The following ZNRF1 variants were observed in gnomAD, a reference collection of about 807,000 sequenced individuals.
ZNRF1 encodes the protein zinc and ring finger 1.
A neutral mutation model predicts 18.4 loss-of-function variants in ZNRF1; 3 were observed. The observed-to-expected ratio is 0.16, with a 90% CI of 0.07 to 0.42. The LOEUF (loss-of-function observed/expected upper bound fraction) is 0.42, where lower values mean the gene tolerates loss of function less well. ZNRF1 is among the 10% of genes least tolerant of loss of function. The pLI is 0.99. For synonymous variants in ZNRF1, 157 were observed against 144.2 expected (o/e 1.09, Z -0.64); for missense variants, 310 against 329.8 (o/e 0.94, Z 0.47).
At chr16:75,091,181 A>C (rs1409235840) in intron 1 of ZNRF1, among the ~76,000 whole-genome samples, 2 of 152,246 alleles carry the variant, frequency 1.3e-5, no homozygotes, top group East Asian at 3.9e-4. Context: ...CAATGTGGCG[A>C]AACCTAGTCT....
At chr16:75,043,852 C>T (rs1038539948) in intron 1 of ZNRF1, among the ~76,000 whole-genome samples, 1 of 124,470 alleles carries the variant, frequency 8.0e-6, no homozygotes, top group Non-Finnish European at 1.6e-5. Flanking sequence ...GGTAATGATG[C>T]GATCTCTGCT....
intron 1 of ZNRF1, among the ~76,000 whole-genome samples, chr16:75,039,490 A>G (rs2035415300): frequency 6.6e-6 from 1 of 152,234 alleles, no homozygotes. Context: ...AGTTAATGGT[A>G]TACGAGAGTG....
rs114185657 is a variant in ZNRF1 at position 75,051,793 on chromosome 16, G to A, written c.425-41779G>A. Among the ~76,000 whole-genome samples the A allele has an allele frequency of 7.9e-3, 1,199 of 152,286 alleles. 25 individuals are homozygous for A. Among genetic ancestry groups the A allele is most frequent in the African/African-American group, 0.027 (1,121 of 41,546 alleles). ...AGCTTCCCGAAGTGCTGTGATTACA[G>A]GCATGAGCCACAGCACACAGCCCAT... On this transcript the variant is annotated intron_variant, in intron 1 of 4. Coordinates refer to ENST00000335325, the MANE Select transcript of ZNRF1 (RefSeq NM_032268.5).
chr16:75,076,757 A>G (rs900500821), intron 1 of ZNRF1, among the ~76,000 whole-genome samples: 1 of 151,088 alleles, frequency 6.6e-6, no homozygotes, highest in South Asian at 2.1e-4. Context: ...TTGAAGGAGG[A>G]CTTTTGGGAG....
At chr16:75,001,087 C>T (rs1321797760) in intron 1 of ZNRF1, among the ~76,000 whole-genome samples, 1 of 152,176 alleles carries the variant, frequency 6.6e-6, no homozygotes, top group Non-Finnish European at 1.5e-5. Flanking sequence ...GTGGGGGCCG[C>T]TATTTGCTAA....
chr16:75,060,295 G>A (rs1395214045), intron 1 of ZNRF1, among the ~76,000 whole-genome samples: 4 of 151,812 alleles, frequency 2.6e-5, no homozygotes, highest in South Asian at 2.1e-4. Flanking sequence ...GTTGTGATCC[G>A]CCCATCTTGC....
chr16:75,059,754 T>C (rs2035719511), intron 1 of ZNRF1, among the ~76,000 whole-genome samples: 1 of 152,224 alleles, frequency 6.6e-6, no homozygotes, highest in Admixed American at 6.5e-5. Context: ...GGAAATTGTA[T>C]AAATCAATTT....
intron 1 of ZNRF1, among the ~76,000 whole-genome samples, chr16:75,037,246 A>G (rs1329803555): frequency 6.6e-6 from 1 of 152,192 alleles, no homozygotes; most frequent in South Asian, 2.1e-4. Flanking sequence ...ACATCAGTAG[A>G]TAGGTGTGCA....
intron 1 of ZNRF1, among the ~76,000 whole-genome samples, chr16:75,006,358 A>G (rs2034916845): frequency 6.6e-6 from 1 of 152,204 alleles, no homozygotes; most frequent in South Asian, 2.1e-4. Flanking sequence ...TTTTAATGAC[A>G]GTGGATCACT....
intron 2 of ZNRF1, among the ~76,000 whole-genome samples, chr16:75,096,167 G>A (rs185792622): frequency 2.0e-4 from 30 of 151,956 alleles, no homozygotes; most frequent in Non-Finnish European, 2.6e-4. Context: ...TGGAGGCAAA[G>A]AGAGGCCAGT....
intron 1 of ZNRF1, among the ~76,000 whole-genome samples, chr16:75,001,599 G>A (rs1481971083): frequency 6.6e-6 from 1 of 152,148 alleles, no homozygotes; most frequent in African/African-American, 2.4e-5. Context: ...CAGAGAGTTA[G>A]CCATATTTTT....
intron 1 of ZNRF1, among the ~76,000 whole-genome samples, chr16:75,057,175 C>A (rs943238266): frequency 6.6e-6 from 1 of 152,194 alleles, no homozygotes; most frequent in Non-Finnish European, 1.5e-5. Flanking sequence ...ATACCCCCAC[C>A]CTGCCGTCCT....
At chr16:75,087,976 A>T (rs1487753365) in intron 1 of ZNRF1, among the ~76,000 whole-genome samples, 2 of 152,242 alleles carry the variant, frequency 1.3e-5, no homozygotes, top group Non-Finnish European at 2.9e-5. Flanking sequence ...CTCCTGAAGC[A>T]TCTCTTACCT....
At chr16:75,079,204 G>A (rs1219023135) in intron 1 of ZNRF1, among the ~76,000 whole-genome samples, 6 of 152,054 alleles carry the variant, frequency 3.9e-5, no homozygotes, top group African/African-American at 9.7e-5. Flanking sequence ...TTTGGGGGCC[G>A]GGCGCGGTGG....
chr16:75,040,913 AC>A (rs1172069274), intron 1 of ZNRF1, among the ~76,000 whole-genome samples: 1 of 152,056 alleles, frequency 6.6e-6, no homozygotes, highest in Non-Finnish European at 1.5e-5. Context: ...CAGCCCACTT[AC>A]CATGTTTTTA....
intron 1 of ZNRF1, among the ~76,000 whole-genome samples, chr16:75,022,763 C>G (rs1296310386): frequency 2.6e-5 from 4 of 152,178 alleles, no homozygotes; most frequent in Admixed American, 2.6e-4. Flanking sequence ...TTGGACAGTG[C>G]TGCTCAAAAC....
chr16:75,028,356 T>C (rs1243609931), intron 1 of ZNRF1, among the ~76,000 whole-genome samples: 1 of 152,196 alleles, frequency 6.6e-6, no homozygotes, highest in Non-Finnish European at 1.5e-5. Context: ...TGCAATGGCG[T>C]GATGTCGGCT....
intron 2 of ZNRF1, chr16:75,104,275 T>C (rs2036287372): frequency 6.5e-6 from 1 of 152,760 alleles, no homozygotes; most frequent in Non-Finnish European, 1.5e-5. Context: ...TTGTAGACAC[T>C]GGGTTGTTTC....
At chr16:75,061,016 C>T (rs2035737678) in intron 1 of ZNRF1, among the ~76,000 whole-genome samples, 2 of 152,062 alleles carry the variant, frequency 1.3e-5, no homozygotes, top group Non-Finnish European at 2.9e-5. Context: ...AATAGTAATA[C>T]ATTTTTTGTG....
Sources: allele counts gnomAD v4.1 joint callset (sites outside exome capture counted in the v4.1 genomes callset), GRCh38; gene constraint gnomAD v4.1.1; transcripts MANE v1.5; gene names NCBI Gene and HGNC (gene_info 2026-07-23, HGNC 2026-07-21).